The following PGM3 variants were observed in gnomAD, a reference collection of about 807,000 sequenced individuals.
PGM3 encodes phosphoacetylglucosamine mutase.
PGM3 carries 40 observed loss-of-function variants against 66.2 expected under a neutral mutation model. The ratio of observed to expected loss-of-function variants is 0.60; its 90% confidence interval spans 0.47 to 0.79. The LOEUF (loss-of-function observed/expected upper bound fraction) is 0.79, where lower values mean the gene tolerates loss of function less well. PGM3 is among the 30% of genes least tolerant of loss of function. PGM3 has a pLI of 0.00. For missense variants in PGM3, 537 were observed against 643.4 expected, an observed-to-expected ratio of 0.83 and a Z score of 1.79; for synonymous variants, 191 against 224.2, an observed-to-expected ratio of 0.85 and a Z score of 1.32.
chr6:83,169,020 A>G lies in PGM3; in HGVS notation c.*214T>C. The G allele has an allele frequency of 7.4e-7, 1 of 1,352,048 alleles. No homozygotes were observed. 83.8% of individuals were successfully genotyped at this position (1,352,048 alleles called of 1,614,324 possible). A position where few individuals can be genotyped will look rare whatever the true frequency, so the allele number is the denominator to read the frequency against. Reference sequence around the variant, plus strand: ...AGTCCCAGTATTTTACATTAGTGAGACTGAAATTAGAGGTAAATTTCTTTA... The same window carrying G: ...AGTCCCAGTATTTTACATTAGTGAGGCTGAAATTAGAGGTAAATTTCTTTA... On this transcript the variant is annotated 3_prime_UTR_variant, in exon 13 of 13. Transcript: ENST00000513973.
intron 10 of PGM3, among the ~76,000 whole-genome samples, chr6:83,173,420 A>G (rs141087463): frequency 1.3e-5 from 2 of 152,340 alleles, no homozygotes; most frequent in Admixed American, 6.5e-5. Flanking sequence ...CTTTTTATAA[A>G]TAGATCCCTT....
In PGM3 at chr6:83,166,875, AT is replaced by A. The variant is rs765371586; in HGVS notation, c.*2358del. 10 of 992,462 alleles carry A rather than the reference AT, an allele frequency of 1.0e-5. No homozygotes were observed. In the East Asian group the frequency reaches 4.4e-4, roughly 44 times the overall value. The allele number at this position is 992,462 out of a possible 1,614,324, so 61.5% of individuals were successfully genotyped here. ...CAAACTCCATTTGTTAATATGACAG[AT>A]TGTAATTCTGCTTCCTAAGTCTTCA... is the stretch of plus-strand genomic sequence containing the variant. On this transcript the variant is annotated 3_prime_UTR_variant, in exon 13 of 13. Coordinates refer to ENST00000513973, the MANE Select transcript of PGM3 (RefSeq NM_015599.3).
At chr6:83,163,325 CAA>C (rs1192804117), downstream of PGM3, among the ~76,000 whole-genome samples, 1 of 151,814 alleles carries the variant, frequency 6.6e-6, no homozygotes, top group Non-Finnish European at 1.5e-5. Flanking sequence ...TGATGACAAA[CAA>C]AAGTATGAGT....
rs1785537329 is a variant in PGM3, at chr6:83,166,268, A to G, written c.*2966T>C. On this transcript the variant is annotated 3_prime_UTR_variant, in exon 13 of 13. Coordinates refer to ENST00000513973, the MANE Select transcript of PGM3 (RefSeq NM_015599.3). ...TTGAGTTCTTGGGCAGCTCTCTTAT[A>G]GTTGTAAGAGGATCAGCTTCGATGA... is the stretch of plus-strand genomic sequence containing the variant. The G allele has an allele frequency of 3.6e-6, 2 of 548,470 alleles. No homozygotes were observed. The highest frequency in any genetic ancestry group is 2.9e-5 in the East Asian group (1 of 34,662). 34.0% of individuals were successfully genotyped at this position (548,470 alleles called of 1,614,324 possible). A position where few individuals can be genotyped will look rare whatever the true frequency, so the allele number is the denominator to read the frequency against.
In PGM3 at chr6:83,166,439, TTG is replaced by T. The variant is rs1785629437; in HGVS notation, c.*2793_*2794del. 1 of 701,812 alleles carries T rather than the reference TTG, an allele frequency of 1.4e-6. No homozygotes were observed. The highest frequency in any genetic ancestry group is 2.6e-6 in the Non-Finnish European group (1 of 384,686). 43.5% of individuals were successfully genotyped at this position (701,812 alleles called of 1,614,324 possible). A position where few individuals can be genotyped will look rare whatever the true frequency, so the allele number is the denominator to read the frequency against. ...TCCTGGGCCAAATGCATTGTTGATG[TTG>T]TGTGTTGTCTCTGCTGCTTTATAAC... On this transcript the variant is annotated 3_prime_UTR_variant, in exon 13 of 13. Transcript: ENST00000513973.
chr6:83,168,688 T>C lies in PGM3; in HGVS notation c.*546A>G. On this transcript the variant is annotated 3_prime_UTR_variant, in exon 13 of 13. Transcript: ENST00000513973. ...AAAGTATTGCATGAGCATCTCCACCTCAGTATGGAAGAGGGATGGACAACC... is the reference window on the plus strand; with the variant it reads ...AAAGTATTGCATGAGCATCTCCACCCCAGTATGGAAGAGGGATGGACAACC... 1.0e-6 allele frequency: 1 copy of C among 995,760 alleles called. No individual in the cohort carries two copies. The highest frequency in any genetic ancestry group is 1.2e-6 in the Non-Finnish European group (1 of 836,024). 61.7% of individuals were successfully genotyped at this position (995,760 alleles called of 1,614,324 possible). A position where few individuals can be genotyped will look rare whatever the true frequency, so the allele number is the denominator to read the frequency against.
chr6:83,181,594 TG>T (rs2128497116), intron 6 of PGM3, 141 bp downstream of exon 6: 1 of 587,348 alleles, frequency 1.7e-6, no homozygotes, highest in South Asian at 2.3e-5. Context: ...GCTCTGAGAG[TG>T]GGAAGACTTC....
At chr6:83,189,146 A>C (rs541925223) in intron 2 of PGM3, among the ~76,000 whole-genome samples, 11 of 152,328 alleles carry the variant, frequency 7.2e-5, no homozygotes, top group Admixed American at 3.9e-4. Flanking sequence ...GCCTAAAAAC[A>C]CTATGCCACA....
intron 12 of PGM3, 41 bp downstream of exon 12, chr6:83,170,264 C>T: frequency 6.3e-7 from 1 of 1,588,074 alleles, no homozygotes; most frequent in Non-Finnish European, 8.6e-7. Context: ...TGCCCATCAC[C>T]TAATATTAGG....
rs1789020478 is a variant in PGM3, at chr6:83,191,224, G to C, written c.-2-210C>G. 2 of 1,535,078 alleles carry C rather than the reference G, an allele frequency of 1.3e-6. No individual in the cohort carries two copies. Among genetic ancestry groups the C allele is most frequent in the African/African-American group, 2.7e-5 (2 of 72,940 alleles). The stretch of plus-strand genomic sequence containing the variant: ...GTCCAACTTGGTATGTCCACTCCTG[G>C]GCAGACTCAGGGCAGATAGCAGATT... On this transcript the variant is annotated intron_variant, in intron 1 of 12. Coordinates refer to ENST00000513973, the MANE Select transcript of PGM3 (RefSeq NM_015599.3).
chr6:83,172,678 AAC>A lies in PGM3; in HGVS notation c.1243-621_1243-620del, dbSNP rs200549371. Among the ~76,000 whole-genome samples, 1,091 of 151,742 alleles carry A rather than the reference AAC, an allele frequency of 7.2e-3. 14 individuals carry two copies. The highest frequency in any genetic ancestry group is 0.025 in the African/African-American group (1,032 of 41,262). On this transcript the variant is annotated intron_variant, in intron 10 of 12. Coordinates refer to ENST00000513973, the MANE Select transcript of PGM3 (RefSeq NM_015599.3). ...CATCTCAAAACAAAACAACAACAAC[AAC>A]AAAAAAAACCCACTAAAGGCAGGCC...
At chr6:83,164,744 T>C (rs1269087019), downstream of PGM3, 2 of 1,566,798 alleles carry the variant, frequency 1.3e-6, no homozygotes, top group East Asian at 4.6e-5. Context: ...TTCATGCTTA[T>C]GATATGGCAG....
chr6:83,167,312 C>T lies in PGM3; in HGVS notation c.*1922G>A. 1 of 985,568 alleles carries T rather than the reference C, an allele frequency of 1.0e-6. No homozygotes were observed. Among genetic ancestry groups the T allele is most frequent in the Non-Finnish European group, 1.2e-6 (1 of 830,072 alleles). The allele number at this position is 985,568 out of a possible 1,614,324, so 61.1% of individuals were successfully genotyped here. On this transcript the variant is annotated 3_prime_UTR_variant, in exon 13 of 13. Coordinates refer to ENST00000513973, the MANE Select transcript of PGM3 (RefSeq NM_015599.3). ...ACAACCCAGAAGGAGACAGCAGTGTCTCCTGAGGGATCCCTTCCTTTCTCT... is the reference window on the plus strand; with the variant it reads ...ACAACCCAGAAGGAGACAGCAGTGTTTCCTGAGGGATCCCTTCCTTTCTCT...
Position 83,191,208 on chromosome 6 carries a change from G to C in PGM3, c.-2-194C>G. 2 of 1,534,664 alleles carry C rather than the reference G, an allele frequency of 1.3e-6. No individual in the cohort carries two copies. Among genetic ancestry groups the C allele is most frequent in the Non-Finnish European group, 8.7e-7 (1 of 1,146,104 alleles). ...TTACCTACAAGATGTTGTCCAACTTGGTATGTCCACTCCTGGGCAGACTCA... is the reference window on the plus strand; with the variant it reads ...TTACCTACAAGATGTTGTCCAACTTCGTATGTCCACTCCTGGGCAGACTCA... On this transcript the variant is annotated intron_variant, in intron 1 of 12. Coordinates refer to ENST00000513973, the MANE Select transcript of PGM3 (RefSeq NM_015599.3).
intron 2 of PGM3, 68 bp from the exon 3 acceptor site, chr6:83,188,866 A>C (rs775148135): frequency 8.1e-6 from 11 of 1,356,606 alleles, no homozygotes; most frequent in Non-Finnish European, 1.1e-5. Flanking sequence ...ACAGAACTCA[A>C]AAGCTGTTTC....
At chr6:83,152,182 T>C in the PGM3 span, 1 of 755,362 alleles carries the variant, frequency 1.3e-6, no homozygotes, top group Non-Finnish European at 2.0e-6. Flanking sequence ...TATATACATA[T>C]ACATATATAT....
At chr6:83,152,765 G>A in the PGM3 span, among the ~76,000 whole-genome samples, 1 of 151,820 alleles carries the variant, frequency 6.6e-6, no homozygotes, top group East Asian at 2.0e-4. Context: ...CTACGGGTGT[G>A]TGCCACAATG....
chr6:83,181,982 A>T, intron 5 of PGM3, 51 bp from the exon 6 acceptor site: 1 of 1,252,578 alleles, frequency 8.0e-7, no homozygotes. Context: ...ATAAAAATAA[A>T]TGTGAAATAT....
intron 12 of PGM3, chr6:83,169,864 G>A: frequency 2.3e-6 from 1 of 440,994 alleles, no homozygotes. Flanking sequence ...CAGGCACAGA[G>A]TAAGGCTGTC....
Sources: allele counts gnomAD v4.1 joint callset (sites outside exome capture counted in the v4.1 genomes callset), GRCh38; gene constraint gnomAD v4.1.1; transcripts MANE v1.5; gene names NCBI Gene and HGNC (gene_info 2026-07-23, HGNC 2026-07-21).